Variants in PXDC1 observed in about 807,000 individuals in gnomAD.
PXDC1 encodes the protein PX domain containing 1, also known as PX domain-containing protein 1.
A neutral mutation model predicts 24.4 loss-of-function variants in PXDC1; 13 were observed. The observed-to-expected ratio is 0.53, with a 90% CI of 0.35 to 0.85. PXDC1 has a LOEUF of 0.85. Among genes scored for constraint, PXDC1 ranks in the 40% least tolerant of loss-of-function variants. The probability of loss-of-function intolerance (pLI) is 0.01; values close to 1 mark genes in which losing one functional copy is unlikely to be tolerated. For missense variants in PXDC1, 344 were observed against 309.3 expected, an observed-to-expected ratio of 1.11 and a Z score of -0.84; for synonymous variants, 162 against 124.9, an observed-to-expected ratio of 1.30 and a Z score of -1.98.
chr6:3,750,735 C>T (rs1760688691), intron 1 of PXDC1, among the ~76,000 whole-genome samples: 1 of 152,138 alleles, frequency 6.6e-6, no homozygotes, highest in African/African-American at 2.4e-5. Flanking sequence ...GCGGGGCGGC[C>T]GCTCCGAGGA....
chr6:3,749,351 C>T (rs1310375989), intron 1 of PXDC1, among the ~76,000 whole-genome samples: 1 of 151,698 alleles, frequency 6.6e-6, no homozygotes, highest in East Asian at 1.9e-4. Flanking sequence ...TTTCTGATTT[C>T]TGTTCCCCTT....
Position 3,727,807 on chromosome 6 carries a change from C to T in PXDC1, c.467-145G>A, listed in dbSNP as rs892171807. ...ACACCGTAAGAGAATGCCGTGCACC[C>T]GAGACCCATTCAGAGCTCTGCCGCA... On this transcript the variant is annotated intron_variant, in intron 3 of 4. Coordinates refer to ENST00000380283, the MANE Select transcript of PXDC1 (RefSeq NM_183373.4). 2.0e-4 allele frequency: 126 copies of T among 615,632 alleles called. 2 individuals carry two copies. Among genetic ancestry groups the T allele is most frequent in the Non-Finnish European group, 9.0e-5 (31 of 343,750 alleles). 38.1% of individuals were successfully genotyped at this position (615,632 alleles called of 1,614,324 possible). A position where few individuals can be genotyped will look rare whatever the true frequency, so the allele number is the denominator to read the frequency against.
At chr6:3,734,488 C>A (rs1449927835) in intron 3 of PXDC1, among the ~76,000 whole-genome samples, 1 of 152,164 alleles carries the variant, frequency 6.6e-6, no homozygotes, top group Non-Finnish European at 1.5e-5. Flanking sequence ...CTCTGCACTA[C>A]AAAATGCAAA....
intron 1 of PXDC1, among the ~76,000 whole-genome samples, chr6:3,746,206 G>A (rs939311789): frequency 6.6e-6 from 1 of 152,186 alleles, no homozygotes; most frequent in East Asian, 1.9e-4. Flanking sequence ...GAGCTCAGGT[G>A]TCGCCTGGGG....
chr6:3,751,711 A>G lies in PXDC1; in HGVS notation c.-180T>C. The G allele has an allele frequency of 2.1e-6, 2 of 932,128 alleles. No homozygotes were observed. Among genetic ancestry groups the G allele is most frequent in the Non-Finnish European group, 2.7e-6 (2 of 729,016 alleles). 57.7% of individuals were successfully genotyped at this position (932,128 alleles called of 1,614,324 possible). On this transcript the variant is annotated 5_prime_UTR_variant, in exon 1 of 5. Transcript: ENST00000380283. ...GGGGCAGCGGGGCGGCGCGGCGGCG[A>G]GTGGCTCGGGCCGGCCGGGCGCGGC... is the stretch of plus-strand genomic sequence containing the variant.
chr6:3,738,516 G>A (rs1760380104), intron 1 of PXDC1, among the ~76,000 whole-genome samples: 1 of 152,186 alleles, frequency 6.6e-6, no homozygotes, highest in African/African-American at 2.4e-5. Flanking sequence ...GCTACAGTCA[G>A]GGGTGCTGGC....
At chr6:3,750,556 G>A (rs113039442) in intron 1 of PXDC1, among the ~76,000 whole-genome samples, 1,595 of 152,292 alleles carry the variant, frequency 0.01, 35 homozygotes, top group African/African-American at 0.037. Flanking sequence ...AAGAAAGATC[G>A]GGCAGAGCGG....
intron 1 of PXDC1, chr6:3,739,020 G>A (rs1760396295): frequency 2.3e-5 from 28 of 1,233,668 alleles, no homozygotes; most frequent in South Asian, 1.6e-4. Flanking sequence ...ACTATTAATG[G>A]CAAAAACCGT....
chr6:3,738,243 T>G (rs1290379793), intron 1 of PXDC1, 95 bp from the exon 2 acceptor site: 2 of 899,820 alleles, frequency 2.2e-6, no homozygotes, highest in Admixed American at 3.6e-5. Context: ...ACCGCCAGGG[T>G]CGTCATCTGT....
intron 3 of PXDC1, among the ~76,000 whole-genome samples, chr6:3,734,845 G>C (rs1760280596): frequency 6.6e-6 from 1 of 152,190 alleles, no homozygotes; most frequent in Non-Finnish European, 1.5e-5. Flanking sequence ...AGCACTTTGG[G>C]AGGCTAAGGC....
Position 3,728,736 on chromosome 6 carries a change from T to C in PXDC1, c.467-1074A>G, listed in dbSNP as rs1223766445. On this transcript the variant is annotated intron_variant, in intron 3 of 4. Coordinates refer to ENST00000380283, the MANE Select transcript of PXDC1 (RefSeq NM_183373.4). This position sits in a 1 kb window ranked among gnomAD's most constrained non-coding sequence, Gnocchi z 4.0. ...TCCCATGAACTCCTGGATCGCATCA[T>C]GCCATCTGGTCCATCTAGGTATAAA... is the stretch of plus-strand genomic sequence containing the variant. 6.6e-6 allele frequency among the ~76,000 whole-genome samples: 1 copy of C among 152,198 alleles called. No homozygotes were observed. The highest frequency in any genetic ancestry group is 2.4e-5 in the African/African-American group (1 of 41,430).
chr6:3,724,511 A>G lies in PXDC1; in HGVS notation c.579-775T>C, dbSNP rs1394092383. On this transcript the variant is annotated intron_variant, in intron 4 of 4. Coordinates refer to ENST00000380283, the MANE Select transcript of PXDC1 (RefSeq NM_183373.4). This position sits in a 1 kb window ranked among gnomAD's most constrained non-coding sequence, Gnocchi z 4.5. ...AATGCGTAACAGAGAAAAGCACAAG[A>G]AGGACATTCTCCCCAGGAAGGGGGA... Among the ~76,000 whole-genome samples the G allele has an allele frequency of 6.6e-6, 1 of 152,178 alleles. No individual in the cohort carries two copies. Among genetic ancestry groups the G allele is most frequent in the East Asian group, 1.9e-4 (1 of 5,190 alleles).
intron 4 of PXDC1, among the ~76,000 whole-genome samples, chr6:3,726,792 T>C (rs1187100534): frequency 6.6e-6 from 1 of 152,268 alleles, no homozygotes; most frequent in Non-Finnish European, 1.5e-5. Context: ...CATCCAGAGC[T>C]GCCTCTGTGG....
chr6:3,730,464 T>G (rs1480531928), intron 3 of PXDC1, among the ~76,000 whole-genome samples: 1 of 152,018 alleles, frequency 6.6e-6, no homozygotes. Flanking sequence ...TTGGTCACTT[T>G]AACAAACAAG....
At position 3,723,695 on chromosome 6, in the gene PXDC1, C is replaced by T. The variant is rs1225405645; in HGVS notation, c.620G>A (p.Gly207Glu). The T allele has an allele frequency of 6.2e-7, 1 of 1,614,188 alleles. No homozygotes were observed. Among genetic ancestry groups the T allele is most frequent in the South Asian group, 1.1e-5 (1 of 91,086 alleles). Residue 207 changes from glycine (G) to glutamate (E), a missense_variant, in exon 5 of 5, where the codon GGG (glycine) becomes GAG (glutamate). Physicochemically the swap from Gly to Glu is moderately conservative, Grantham distance 98. Coordinates refer to ENST00000380283, the MANE Select transcript of PXDC1 (RefSeq NM_183373.4). ...GGTGACGTAGGCTGCTGGGTCGTCC[C>T]CGTCCTCCAGCTCTGAGGGAAACTC... Reference protein sequence around the residue: ...GSEFPSELEDGDDPAAYVTNL... With the variant: ...GSEFPSELEDEDDPAAYVTNL...
At chr6:3,738,503 G>A (rs980268011) in intron 1 of PXDC1, among the ~76,000 whole-genome samples, 1 of 152,200 alleles carries the variant, frequency 6.6e-6, no homozygotes, top group Non-Finnish European at 1.5e-5. Context: ...CACCAGCGTG[G>A]TGGCTACAGT....
At chr6:3,736,010 C>T (rs886692544) in intron 3 of PXDC1, among the ~76,000 whole-genome samples, 1 of 152,200 alleles carries the variant, frequency 6.6e-6, no homozygotes, top group Non-Finnish European at 1.5e-5. Flanking sequence ...CCATCTTCCA[C>T]TCCAGGTTCC....
intron 3 of PXDC1, among the ~76,000 whole-genome samples, chr6:3,731,746 T>C (rs1760201377): frequency 6.6e-6 from 1 of 152,238 alleles, no homozygotes; most frequent in African/African-American, 2.4e-5. Context: ...CTCATGACCG[T>C]AGCACTCTTA....
In PXDC1 at chr6:3,737,902, C is replaced by T. The variant is rs555459874; in HGVS notation, c.348+155G>A. ...TGATTACACCTGCACACCTCCACTC[C>T]GTCCCTATCGCCTGGTACTACCAGG... On this transcript the variant is annotated intron_variant, in intron 2 of 4. Transcript: ENST00000380283. The surrounding 1 kb of genome is among the most constrained non-coding windows in gnomAD (Gnocchi z 5.5). Among the ~76,000 whole-genome samples the T allele has an allele frequency of 1.3e-5, 2 of 152,256 alleles. No homozygotes were observed. The highest frequency in any genetic ancestry group is 2.1e-4 in the South Asian group (1 of 4,822).
Sources: allele counts gnomAD v4.1 joint callset (sites outside exome capture counted in the v4.1 genomes callset), GRCh38; gene constraint gnomAD v4.1.1; non-coding constraint Gnocchi (gnomAD v3.1); transcripts MANE v1.5; gene names NCBI Gene and HGNC (gene_info 2026-07-23, HGNC 2026-07-21).